INVS: variants seen among roughly 807,000 people sequenced by gnomAD.
INVS encodes inversion of embryo turning homolog.
In INVS, 86 loss-of-function variants were observed where a neutral mutation model predicts 108.8. The observed-to-expected ratio is 0.79, with a 90% CI of 0.66 to 0.95. The LOEUF is 0.95. INVS is among the 40% of genes least tolerant of loss of function. INVS has a pLI of 0.00. For synonymous variants in INVS, 455 were observed against 473.5 expected (o/e 0.96, Z 0.51); for missense variants, 1,169 against 1,297.4 (o/e 0.90, Z 1.52).
intron 3 of INVS, among the ~76,000 whole-genome samples, chr9:100,185,462 G>T (rs1830025152): frequency 7.0e-6 from 1 of 142,106 alleles, no homozygotes; most frequent in Non-Finnish European, 1.5e-5. Context: ...TTTATAAATA[G>T]AATTTTTTTT....
chr9:100,252,858 A>G (rs1832281844), intron 9 of INVS, 49 bp from the exon 10 acceptor site: 2 of 1,339,534 alleles, frequency 1.5e-6, no homozygotes, highest in African/African-American at 1.5e-5. Flanking sequence ...ACTCATTTTA[A>G]TAAAAGCTAT....
At chr9:100,213,289 A>T (rs1315942930) in intron 3 of INVS, among the ~76,000 whole-genome samples, 1 of 152,054 alleles carries the variant, frequency 6.6e-6, no homozygotes, top group South Asian at 2.1e-4. Flanking sequence ...TTATCATAAC[A>T]TATTAGACTA....
At chr9:100,222,210 A>G (rs1427650781) in intron 3 of INVS, among the ~76,000 whole-genome samples, 1 of 152,200 alleles carries the variant, frequency 6.6e-6, no homozygotes, top group Non-Finnish European at 1.5e-5. Flanking sequence ...CTGGAAAACT[A>G]TTTATAATAA....
At chr9:100,249,403 T>G (rs1564175463) in intron 8 of INVS, among the ~76,000 whole-genome samples, 2 of 152,156 alleles carry the variant, frequency 1.3e-5, no homozygotes, top group Admixed American at 6.5e-5. Flanking sequence ...AATGTCAAAT[T>G]TTTTTAAAAA....
intron 3 of INVS, among the ~76,000 whole-genome samples, chr9:100,222,452 A>G (rs1363656787): frequency 6.6e-6 from 1 of 152,244 alleles, no homozygotes; most frequent in Non-Finnish European, 1.5e-5. Flanking sequence ...TACGTAAAAC[A>G]AAGTACGAGC....
chr9:100,231,927 G>A (rs10819743), intron 5 of INVS, among the ~76,000 whole-genome samples: 26,962 of 152,044 alleles, frequency 0.18, 3,635 homozygotes, highest in African/African-American at 0.38. Context: ...AGGAGTCACC[G>A]CACTGTCTTC....
intron 8 of INVS, among the ~76,000 whole-genome samples, chr9:100,251,953 C>G (rs1832252280): frequency 6.6e-6 from 1 of 152,068 alleles, no homozygotes; most frequent in Admixed American, 6.5e-5. Flanking sequence ...TTATTGTTTT[C>G]TTGCTCTCTT....
intron 2 of INVS, among the ~76,000 whole-genome samples, chr9:100,105,566 TTTCTC>T (rs1827145435): frequency 6.6e-6 from 1 of 152,320 alleles, no homozygotes; most frequent in South Asian, 2.1e-4. Context: ...TCTGTGAAGA[TTTCTC>T]TTCCTCTGCT....
chr9:100,157,267 CT>C (rs770493291), intron 3 of INVS, among the ~76,000 whole-genome samples: 95 of 130,064 alleles, frequency 7.3e-4, no homozygotes, highest in Admixed American at 8.3e-4. Flanking sequence ...TCTTTTTTTT[CT>C]TTTTTTTTTT....
At chr9:100,185,852 C>T (rs1477062122) in intron 3 of INVS, among the ~76,000 whole-genome samples, 1 of 151,968 alleles carries the variant, frequency 6.6e-6, no homozygotes. Context: ...TGGCCTCCTC[C>T]ATCCAAGTTG....
chr9:100,116,934 C>G lies in INVS; in HGVS notation c.107-9449C>G, dbSNP rs1827551597. 2.7e-6 allele frequency: 4 copies of G among 1,504,634 alleles called. No individual in the cohort carries two copies. In the East Asian group the frequency reaches 9.0e-5, roughly 34 times the overall value. 93.2% of individuals were successfully genotyped at this position (1,504,634 alleles called of 1,614,324 possible). On this transcript the variant is annotated intron_variant, in intron 2 of 16. Transcript: ENST00000262457. ...TCAAAGGTGGCCTTGGCGAAGTTGC[C>G]CAGGGTGGCATTGCAGCCCCGGGCT...
chr9:100,185,366 C>T (rs1830021777), intron 3 of INVS, among the ~76,000 whole-genome samples: 1 of 151,452 alleles, frequency 6.6e-6, no homozygotes, highest in South Asian at 2.1e-4. Flanking sequence ...TTCCTTTTTT[C>T]CCCACTTTCA....
intron 3 of INVS, among the ~76,000 whole-genome samples, chr9:100,208,592 T>C (rs1464508874): frequency 6.6e-6 from 1 of 152,158 alleles, no homozygotes; most frequent in Non-Finnish European, 1.5e-5. Context: ...CTAAACTGCA[T>C]GCTAGGATCA....
At chr9:100,189,791 T>C (rs1331799406) in intron 3 of INVS, among the ~76,000 whole-genome samples, 1 of 152,090 alleles carries the variant, frequency 6.6e-6, no homozygotes, top group Non-Finnish European at 1.5e-5. Context: ...GGTCTTGCCA[T>C]GTCGGCCAGG....
chr9:100,297,247 G>C, intron 15 of INVS, 101 bp downstream of exon 15: 1 of 964,806 alleles, frequency 1.0e-6, no homozygotes, highest in Non-Finnish European at 1.6e-6. Context: ...CTTCCATTCA[G>C]ATAAATTAGG....
chr9:100,173,384 C>T (rs1374478315), intron 3 of INVS, among the ~76,000 whole-genome samples: 1 of 152,166 alleles, frequency 6.6e-6, no homozygotes, highest in Non-Finnish European at 1.5e-5. Context: ...TGCATTCTTA[C>T]TTTTTGAAGA....
chr9:100,143,662 G>T (rs548723197), intron 3 of INVS, among the ~76,000 whole-genome samples: 1 of 152,192 alleles, frequency 6.6e-6, no homozygotes, highest in Admixed American at 6.5e-5. Flanking sequence ...TAAAGTGTCG[G>T]CCTAATAAGG....
At chr9:100,154,815 A>G (rs1416963792) in intron 3 of INVS, among the ~76,000 whole-genome samples, 1 of 152,214 alleles carries the variant, frequency 6.6e-6, no homozygotes, top group Non-Finnish European at 1.5e-5. Flanking sequence ...GGAGAAGGAG[A>G]TAATGTAGAG....
At chr9:100,140,346 A>G (rs1447819877) in intron 3 of INVS, among the ~76,000 whole-genome samples, 1 of 152,064 alleles carries the variant, frequency 6.6e-6, no homozygotes, top group East Asian at 1.9e-4. Context: ...ATTACAGTCA[A>G]AGGGGGGTTG....
Sources: gnomAD v4.1 joint callset for allele counts (sites outside exome capture counted in the v4.1 genomes callset) on GRCh38, gnomAD v4.1.1 for gene constraint, MANE v1.5 for transcripts, NCBI Gene and HGNC (gene_info 2026-07-23, HGNC 2026-07-21) for gene names.